The following CHD6 variants were observed in gnomAD, a reference collection of about 807,000 sequenced individuals.
The protein encoded by CHD6 is chromodomain helicase DNA binding protein 6, also known as ATP-dependent chromatin remodeler CHD6.
In CHD6, 50 loss-of-function variants were observed where a neutral mutation model predicts 276.9. The observed-to-expected ratio is 0.18, with a 90% confidence interval of 0.14 to 0.23. CHD6 has a LOEUF of 0.23. Among genes scored for constraint, CHD6 ranks in the 10% least tolerant of loss-of-function variants. CHD6 has a pLI of 1.00. For synonymous variants in CHD6, 1,173 were observed against 1,229.3 expected, an observed-to-expected ratio of 0.95 and a Z score of 0.96; for missense variants, 2,564 against 3,365.8, an observed-to-expected ratio of 0.76 and a Z score of 5.89.
intron 3 of CHD6, among the ~76,000 whole-genome samples, chr20:41,515,154 C>T (rs565194818): frequency 9.7e-4 from 148 of 152,234 alleles, no homozygotes; most frequent in African/African-American, 3.3e-3. Flanking sequence ...CTTTATTACA[C>T]CCCATCATGA....
chr20:41,451,383 T>C (rs2048234959), intron 22 of CHD6, among the ~76,000 whole-genome samples: 1 of 152,184 alleles, frequency 6.6e-6, no homozygotes, highest in Non-Finnish European at 1.5e-5. Context: ...ACCTGTGCCC[T>C]TTGGGAACTT....
chr20:41,613,111 T>C (rs1213781718), intron 1 of CHD6, among the ~76,000 whole-genome samples: 1 of 152,130 alleles, frequency 6.6e-6, no homozygotes, highest in Non-Finnish European at 1.5e-5. Context: ...TTTTTAGCAG[T>C]CTAAAAATAA....
At chr20:41,616,217 C>T (rs2045933400) in intron 1 of CHD6, among the ~76,000 whole-genome samples, 1 of 152,022 alleles carries the variant, frequency 6.6e-6, no homozygotes, top group Admixed American at 6.6e-5. Context: ...CAGAGAACTT[C>T]CCCAACTACA....
chr20:41,498,635 A>G (rs1242593266), intron 6 of CHD6, among the ~76,000 whole-genome samples: 1 of 152,152 alleles, frequency 6.6e-6, no homozygotes, highest in African/African-American at 2.4e-5. Flanking sequence ...AAATTCTTGA[A>G]GTAAAGATGA....
At chr20:41,459,569 TTTCCAGTGCTA>T (rs1171417676) in intron 17 of CHD6, 1 of 152,490 alleles carries the variant, frequency 6.6e-6, no homozygotes, top group East Asian at 1.9e-4. Flanking sequence ...GGGGCCAGTC[TTTCCAGTGCTA>T]TTCTAGTGAT....
chr20:41,422,161 C>A lies in CHD6; in HGVS notation c.4556-82G>T. Reference sequence around the variant, plus strand: ...CCACCTGAGCCCCTGCATCTTTGGTCTTGGAGTTTAGCTCCCTGGCTCCTC... The same window carrying A: ...CCACCTGAGCCCCTGCATCTTTGGTATTGGAGTTTAGCTCCCTGGCTCCTC... On this transcript the variant is annotated intron_variant, in intron 30 of 36. Transcript: ENST00000373233. 3 of 1,443,604 alleles carry A rather than the reference C, an allele frequency of 2.1e-6. No individual in the cohort carries two copies. The South Asian group carries it at 4.2e-5, about 20-fold the overall frequency. The allele number at this position is 1,443,604 out of a possible 1,614,324, so 89.4% of individuals were successfully genotyped here.
chr20:41,468,265 A>G (rs2042974091), intron 17 of CHD6, among the ~76,000 whole-genome samples: 1 of 151,880 alleles, frequency 6.6e-6, no homozygotes, highest in Non-Finnish European at 1.5e-5. Flanking sequence ...GCCCATCCCG[A>G]CGCCTGGCTA....
chr20:41,588,986 G>C (rs544660538), intron 1 of CHD6, among the ~76,000 whole-genome samples: 1 of 151,986 alleles, frequency 6.6e-6, no homozygotes, highest in African/African-American at 2.4e-5. Flanking sequence ...CTGGCAAACC[G>C]AATCCAGCAG....
chr20:41,438,175 A>G (rs1261829240), intron 26 of CHD6, among the ~76,000 whole-genome samples: 1 of 152,222 alleles, frequency 6.6e-6, no homozygotes, highest in Non-Finnish European at 1.5e-5. Context: ...GCCACTGGTT[A>G]ACAAGGACAT....
chr20:41,495,842 G>A (rs545946818), intron 8 of CHD6, among the ~76,000 whole-genome samples: 2 of 152,326 alleles, frequency 1.3e-5, no homozygotes, highest in Admixed American at 6.5e-5. Context: ...ATTCTATCAG[G>A]AGTCCTGCTT....
chr20:41,508,085 A>C (rs1601037038), intron 5 of CHD6, among the ~76,000 whole-genome samples: 1 of 152,360 alleles, frequency 6.6e-6, no homozygotes, highest in East Asian at 1.9e-4. Context: ...AGAATTCAGA[A>C]AGTGAAAACA....
intron 27 of CHD6, among the ~76,000 whole-genome samples, chr20:41,430,854 ATTT>A (rs61590579): frequency 1.4e-3 from 181 of 127,580 alleles, no homozygotes; most frequent in East Asian, 0.012. Flanking sequence ...CAGAACATGA[ATTT>A]TTTTTTTTTT....
At chr20:41,414,748 TA>T (rs2046942697) in intron 34 of CHD6, 1 of 860,128 alleles carries the variant, frequency 1.2e-6, no homozygotes, top group Non-Finnish European at 1.5e-6. Flanking sequence ...TGTAGCCCAA[TA>T]TCACCCAGTA....
chr20:41,535,845 A>G (rs2146087196), intron 2 of CHD6, among the ~76,000 whole-genome samples: 1 of 152,356 alleles, frequency 6.6e-6, no homozygotes, highest in South Asian at 2.1e-4. Context: ...CAGCCTGGGC[A>G]ACACAGCAAG....
chr20:41,588,251 A>C (rs1414196786), intron 1 of CHD6, among the ~76,000 whole-genome samples: 1 of 152,208 alleles, frequency 6.6e-6, no homozygotes, highest in Non-Finnish European at 1.5e-5. Flanking sequence ...CAGACCACAA[A>C]ATCTCAGTGT....
chr20:41,419,675 T>C (rs886230739), intron 31 of CHD6, among the ~76,000 whole-genome samples: 3 of 150,202 alleles, frequency 2.0e-5, no homozygotes, highest in African/African-American at 7.3e-5. Context: ...GGACAATGTG[T>C]CTGTCTACAC....
chr20:41,482,387 T>C (rs1299845031), intron 16 of CHD6: 2 of 289,626 alleles, frequency 6.9e-6, no homozygotes, highest in African/African-American at 4.5e-5. Flanking sequence ...TGAAGAATCA[T>C]TTATGTTACA....
chr20:41,406,914 C>A (rs1261970739), intron 36 of CHD6, among the ~76,000 whole-genome samples: 5 of 152,252 alleles, frequency 3.3e-5, no homozygotes, highest in Non-Finnish European at 7.3e-5. Context: ...CCCCTGCTGG[C>A]ACCCTCCCTG....
chr20:41,599,501 T>C (rs2045752587), intron 1 of CHD6, among the ~76,000 whole-genome samples: 1 of 152,296 alleles, frequency 6.6e-6, no homozygotes, highest in South Asian at 2.1e-4. Flanking sequence ...CCATACCTCG[T>C]ATTTGTGGAT....
Sources: allele counts gnomAD v4.1 joint callset (sites outside exome capture counted in the v4.1 genomes callset), GRCh38; gene constraint gnomAD v4.1.1; transcripts MANE v1.5; gene names NCBI Gene and HGNC (gene_info 2026-07-23, HGNC 2026-07-21).